SLC12A2: variants seen among roughly 807,000 people sequenced by gnomAD.
SLC12A2 encodes the protein Na-K-2Cl cotransporter 1.
In SLC12A2, 67 loss-of-function variants were observed where a neutral mutation model predicts 136.3. The ratio of observed to expected loss-of-function variants is 0.49; its 90% CI spans 0.40 to 0.60. The LOEUF is 0.60. Ranked by LOEUF, SLC12A2 falls within the 20% of genes least tolerant of loss-of-function variation. The probability of loss-of-function intolerance (pLI) is 0.00; values close to 1 mark genes in which losing one functional copy is unlikely to be tolerated. For missense variants in SLC12A2, 1,322 were observed against 1,534.7 expected (o/e 0.86, Z 2.32); for synonymous variants, 619 against 562.9 (o/e 1.10, Z -1.41).
At chr5:128,112,731 G>T in intron 1 of SLC12A2, 83 bp from the exon 2 acceptor site, 1 of 1,040,712 alleles carries the variant, frequency 9.6e-7, no homozygotes, top group Non-Finnish European at 1.4e-6. Context: ...AATATGGTTA[G>T]ATGTATTTAG....
rs776443277 is a variant in SLC12A2 at position 128,150,115 on chromosome 5, A to T, written c.2107+17A>T. 1.1e-5 allele frequency: 16 copies of T among 1,476,180 alleles called. No individual in the cohort carries two copies. The highest frequency in any genetic ancestry group is 4.7e-5 in the South Asian group (4 of 85,908). 91.4% of individuals were successfully genotyped at this position (1,476,180 alleles called of 1,614,324 possible). A position where few individuals can be genotyped will look rare whatever the true frequency, so the allele number is the denominator to read the frequency against. ...AATCTCCAGGTAATTTTACATTTTT[A>T]AAAAAGTTTGTAAATATCATTTTTG... On this transcript the variant is annotated intron_variant, in intron 13 of 26. Transcript: ENST00000262461.
In SLC12A2 at chr5:128,114,615, A is replaced by C; in HGVS notation, c.982A>C (p.Thr328Pro). The C allele has an allele frequency of 6.2e-7, 1 of 1,612,022 alleles. No individual in the cohort carries two copies. Among genetic ancestry groups the C allele is most frequent in the Non-Finnish European group, 8.5e-7 (1 of 1,178,258 alleles). The change falls in exon 4 of 27, where the codon ACT becomes CCT. Residue 328 changes from threonine (T) to proline (P), a missense_variant. Physicochemically the swap from Thr to Pro is conservative, Grantham distance 38 (BLOSUM62 -1). This residue lies in a region of SLC12A2 where 71 missense variants were observed against 131.0 expected (regional missense o/e 0.54). Transcript: ENST00000262461. ...ATCAGTCCTTGTAATAATGATGGCC[A>C]CTGTTGTGACAACTATCACAGGATT... ...GLSVLVIMMA[T>P]VVTTITGLST...
At chr5:128,180,386 A>G (rs965053227) in intron 22 of SLC12A2, among the ~76,000 whole-genome samples, 1 of 152,086 alleles carries the variant, frequency 6.6e-6, no homozygotes, top group African/African-American at 2.4e-5. Context: ...GGTTCCTTTT[A>G]CTGAATCATA....
chr5:128,151,459 GA>G (rs1366546389), intron 14 of SLC12A2, 63 bp downstream of exon 14: 7 of 1,396,184 alleles, frequency 5.0e-6, no homozygotes, highest in Non-Finnish European at 6.8e-6. Context: ...AAAACATCTA[GA>G]AGTTCTTTGT....
intron 19 of SLC12A2, among the ~76,000 whole-genome samples, chr5:128,174,004 A>G (rs989127045): frequency 7.9e-5 from 12 of 152,226 alleles, no homozygotes; most frequent in African/African-American, 2.9e-4. Flanking sequence ...CATCTTACGT[A>G]TCTATGGACA....
At chr5:128,120,057 C>T (rs565407626) in intron 4 of SLC12A2, among the ~76,000 whole-genome samples, 12 of 151,990 alleles carry the variant, frequency 7.9e-5, no homozygotes, top group African/African-American at 2.7e-4. Context: ...AGGATATGAA[C>T]AGACACTTCT....
At position 128,084,511 on chromosome 5, in the gene SLC12A2, A is replaced by C. The variant is rs763077730; in HGVS notation, c.557A>C (p.His186Pro). Residue 186 changes from histidine (H) to proline (P), a missense_variant, in exon 1 of 27, where the codon CAC becomes CCC. Coordinates refer to ENST00000262461, the MANE Select transcript of SLC12A2 (RefSeq NM_001046.3). The surrounding 1 kb of genome is among the most constrained non-coding windows in gnomAD (Gnocchi z 5.6). Reference sequence around the variant, plus strand: ...GTGCTGAGCGAGGGCAGCAGCCTGCACTCCGGCGGCGGCGGCGGCAGTGGG... The same window carrying C: ...GTGCTGAGCGAGGGCAGCAGCCTGCCCTCCGGCGGCGGCGGCGGCAGTGGG... Reference protein sequence around the residue: ...DTVLSEGSSLHSGGGGGSGHH... With the variant: ...DTVLSEGSSLPSGGGGGSGHH... 2 of 1,600,054 alleles carry C rather than the reference A, an allele frequency of 1.2e-6. No individual in the cohort carries two copies. Among genetic ancestry groups the C allele is most frequent in the Non-Finnish European group, 1.7e-6 (2 of 1,175,574 alleles).
At position 128,114,445 on chromosome 5, in the gene SLC12A2, T is replaced by C. The variant is rs951932406; in HGVS notation, c.953-141T>C. ...TGTTCCTTTTTTCATAATTCTGATT[T>C]GGTTTTTATAAAATGAGATCAAAAT... On this transcript the variant is annotated intron_variant, in intron 3 of 26. Coordinates refer to ENST00000262461, the MANE Select transcript of SLC12A2 (RefSeq NM_001046.3). 7 of 823,274 alleles carry C rather than the reference T, an allele frequency of 8.5e-6. No homozygotes were observed. In the African/African-American group the frequency reaches 1.2e-4, roughly 14 times the overall value. 51.0% of individuals were successfully genotyped at this position (823,274 alleles called of 1,614,324 possible).
At chr5:128,178,267 T>A (rs1264331499) in intron 21 of SLC12A2, 2 of 173,990 alleles carry the variant, frequency 1.1e-5, no homozygotes. Flanking sequence ...CTCACTGTAA[T>A]TTTTTTTATT....
intron 4 of SLC12A2, among the ~76,000 whole-genome samples, chr5:128,124,940 T>G (rs1329913160): frequency 6.6e-6 from 1 of 152,200 alleles, no homozygotes; most frequent in African/African-American, 2.4e-5. Context: ...GGGCTTATTT[T>G]AAATAACAAA....
chr5:128,121,299 A>T (rs1761568427), intron 4 of SLC12A2, among the ~76,000 whole-genome samples: 1 of 151,986 alleles, frequency 6.6e-6, no homozygotes, highest in South Asian at 2.1e-4. Context: ...TTTAGTACTG[A>T]TGTGGGGTAC....
At chr5:128,124,907 C>T (rs1204850474) in intron 4 of SLC12A2, among the ~76,000 whole-genome samples, 1 of 152,118 alleles carries the variant, frequency 6.6e-6, no homozygotes, top group East Asian at 1.9e-4. Flanking sequence ...ACCTTATTAC[C>T]GTAAACTGAG....
Position 128,148,803 on chromosome 5 carries a change from G to T in SLC12A2, c.1931G>T (p.Gly644Val). The change falls in exon 12 of 27, where the codon GGT (glycine) becomes GTT (valine). Residue 644 changes from glycine (G) to valine (V), a missense_variant. By Grantham distance (109) the Gly-to-Val change is moderately radical. This residue lies in a region of SLC12A2 where 294 missense variants were observed against 436.6 expected (regional missense o/e 0.67). Transcript: ENST00000262461. ...CCAGCTTTCCAGATGTTTGCTAAAG[G>T]TTATGGGAAAAATAATGAACCTCTT... ...IYPAFQMFAK[G>V]YGKNNEPLRG... 6.2e-7 allele frequency: 1 copy of T among 1,608,208 alleles called. No individual in the cohort carries two copies. The highest frequency in any genetic ancestry group is 8.5e-7 in the Non-Finnish European group (1 of 1,176,976).
chr5:128,101,360 C>T (rs1760735048), intron 1 of SLC12A2, among the ~76,000 whole-genome samples: 2 of 152,098 alleles, frequency 1.3e-5, no homozygotes, highest in Admixed American at 6.6e-5. Flanking sequence ...AGTAATTTAA[C>T]GCTTTGACTT....
chr5:128,154,615 A>T (rs533542558), intron 15 of SLC12A2, among the ~76,000 whole-genome samples: 35 of 152,200 alleles, frequency 2.3e-4, no homozygotes, highest in African/African-American at 8.4e-4. Flanking sequence ...CTTGCTGCAG[A>T]GTAGTCCCCT....
intron 16 of SLC12A2, among the ~76,000 whole-genome samples, chr5:128,160,719 C>A (rs1763009842): frequency 1.3e-5 from 2 of 152,066 alleles, no homozygotes; most frequent in Admixed American, 6.6e-5. Context: ...TTTGTTGGAT[C>A]AGCTTCTCTC....
chr5:128,124,818 C>T (rs1428196508), intron 4 of SLC12A2, among the ~76,000 whole-genome samples: 1 of 152,124 alleles, frequency 6.6e-6, no homozygotes, highest in Non-Finnish European at 1.5e-5. Context: ...ATTGAAAGTG[C>T]TAACCCTCTA....
At chr5:128,179,070 G>A (rs2126755402) in intron 22 of SLC12A2, among the ~76,000 whole-genome samples, 1 of 152,298 alleles carries the variant, frequency 6.6e-6, no homozygotes, top group African/African-American at 2.4e-5. Context: ...AGGTGGCACA[G>A]GATGTTGATT....
chr5:128,128,181 G>A (rs1298652596), intron 4 of SLC12A2, among the ~76,000 whole-genome samples: 1 of 152,042 alleles, frequency 6.6e-6, no homozygotes, highest in Non-Finnish European at 1.5e-5. Flanking sequence ...GTTATTTCAG[G>A]TTTTTGAAAT....
Sources: allele counts gnomAD v4.1 joint callset (sites outside exome capture counted in the v4.1 genomes callset), GRCh38; gene constraint gnomAD v4.1.1; regional missense constraint gnomAD v4.1.1; non-coding constraint Gnocchi (gnomAD v3.1); transcripts MANE v1.5; gene names NCBI Gene and HGNC (gene_info 2026-07-23, HGNC 2026-07-21).